Variants in CSNK1G3 observed in about 807,000 individuals in gnomAD.
The protein encoded by CSNK1G3 is casein kinase 1 gamma 3, also known as casein kinase I isoform gamma-3.
Under a neutral mutation model 64.3 loss-of-function variants are expected in CSNK1G3, and 23 were observed. That is an observed-to-expected ratio of 0.36 (90% confidence interval 0.26 to 0.51). CSNK1G3 has a LOEUF of 0.51. CSNK1G3 is among the 20% of genes least tolerant of loss of function. CSNK1G3 has a pLI of 0.96. For missense variants in CSNK1G3, 357 were observed against 510.5 expected, an observed-to-expected ratio of 0.70 and a Z score of 2.90; for synonymous variants, 158 against 162.2, an observed-to-expected ratio of 0.97 and a Z score of 0.20.
At chr5:123,521,945 A>G (rs185015621) in intron 1 of CSNK1G3, among the ~76,000 whole-genome samples, 2 of 152,244 alleles carry the variant, frequency 1.3e-5, no homozygotes, top group Non-Finnish European at 2.9e-5. Context: ...GGGCTAGGGC[A>G]TTGATATATT....
At chr5:123,603,122 G>T (rs926542110) in intron 10 of CSNK1G3, among the ~76,000 whole-genome samples, 1 of 152,124 alleles carries the variant, frequency 6.6e-6, no homozygotes. Flanking sequence ...ACCGAGCAAA[G>T]TGTCCTGAAT....
intron 4 of CSNK1G3, among the ~76,000 whole-genome samples, chr5:123,558,528 G>T (rs978205450): frequency 4.6e-5 from 7 of 152,086 alleles, no homozygotes; most frequent in African/African-American, 1.7e-4. Flanking sequence ...TTGTAAGCAT[G>T]TTTACATTCT....
chr5:123,582,191 A>T (rs1477650437), intron 6 of CSNK1G3, among the ~76,000 whole-genome samples: 1 of 152,138 alleles, frequency 6.6e-6, no homozygotes, highest in Non-Finnish European at 1.5e-5. Flanking sequence ...ATGAAATCTG[A>T]TTTAAAGAAA....
At chr5:123,518,788 G>A (rs1777606150) in intron 1 of CSNK1G3, among the ~76,000 whole-genome samples, 1 of 152,054 alleles carries the variant, frequency 6.6e-6, no homozygotes, top group African/African-American at 2.4e-5. Context: ...AAAAATTGTG[G>A]GAAGGAAGAA....
chr5:123,553,087 AT>A lies in CSNK1G3; in HGVS notation c.179-11del, dbSNP rs554052252. The stretch of plus-strand genomic sequence containing the variant: ...TAAAATCAATTACTGGCAGAATCTG[AT>A]TTTTTTTTCTTTTTCAAGGGAAAAA... On this transcript the variant is annotated intron_variant, in intron 2 of 12. Transcript: ENST00000345990. 1.3e-4 allele frequency: 168 copies of A among 1,310,126 alleles called. No individual in the cohort carries two copies. Among genetic ancestry groups the A allele is most frequent in the South Asian group, 3.1e-4 (20 of 63,940 alleles). 81.2% of individuals were successfully genotyped at this position (1,310,126 alleles called of 1,614,324 possible).
At chr5:123,595,673 T>C (rs992515331) in intron 10 of CSNK1G3, among the ~76,000 whole-genome samples, 2 of 152,080 alleles carry the variant, frequency 1.3e-5, no homozygotes, top group Non-Finnish European at 2.9e-5. Flanking sequence ...ATAAGAAGTG[T>C]TTATTAAATA....
chr5:123,595,248 C>A, intron 10 of CSNK1G3, 114 bp downstream of exon 11: 2 of 926,344 alleles, frequency 2.2e-6, no homozygotes, highest in South Asian at 1.7e-5. Context: ...TGCTGAACTA[C>A]TCTATCCATA....
chr5:123,527,910 T>C (rs1419214083), intron 1 of CSNK1G3, among the ~76,000 whole-genome samples: 1 of 152,180 alleles, frequency 6.6e-6, no homozygotes, highest in African/African-American at 2.4e-5. Context: ...TTCAAATCTT[T>C]TCTTGTTAGT....
At chr5:123,580,282 G>T (rs1181332077) in intron 6 of CSNK1G3, among the ~76,000 whole-genome samples, 2 of 151,750 alleles carry the variant, frequency 1.3e-5, no homozygotes, top group African/African-American at 4.8e-5. Context: ...TAGAGAGTTT[G>T]GTCAAAGGAA....
chr5:123,529,747 C>T (rs962019070), intron 1 of CSNK1G3, among the ~76,000 whole-genome samples: 2 of 152,088 alleles, frequency 1.3e-5, no homozygotes, highest in African/African-American at 2.4e-5. Flanking sequence ...AGCATGACCT[C>T]GTCTTGAGTT....
At chr5:123,528,555 T>C (rs1263608619) in intron 1 of CSNK1G3, among the ~76,000 whole-genome samples, 1 of 152,186 alleles carries the variant, frequency 6.6e-6, no homozygotes, top group Non-Finnish European at 1.5e-5. Flanking sequence ...TTGTCCCATA[T>C]CTTTCCTCTA....
At chr5:123,517,289 AC>A (rs1415456258) in intron 1 of CSNK1G3, among the ~76,000 whole-genome samples, 1 of 152,138 alleles carries the variant, frequency 6.6e-6, no homozygotes, top group Non-Finnish European at 1.5e-5. Context: ...TTTATCTTGA[AC>A]TTTTATTCCC....
At chr5:123,556,789 T>C (rs1338749114) in intron 3 of CSNK1G3, among the ~76,000 whole-genome samples, 10 of 148,968 alleles carry the variant, frequency 6.7e-5, no homozygotes, top group Non-Finnish European at 1.0e-4. Context: ...TGTGTGTGTG[T>C]GTGGTGTGTG....
intron 2 of CSNK1G3, among the ~76,000 whole-genome samples, chr5:123,547,482 G>A (rs1163613242): frequency 6.6e-6 from 1 of 152,050 alleles, no homozygotes; most frequent in Non-Finnish European, 1.5e-5. Flanking sequence ...CACAAAGCTA[G>A]TTGACCATTT....
intron 2 of CSNK1G3, among the ~76,000 whole-genome samples, chr5:123,551,287 T>C (rs996409315): frequency 6.6e-6 from 1 of 152,228 alleles, no homozygotes; most frequent in Non-Finnish European, 1.5e-5. Context: ...GAAACCTAAC[T>C]TTTCATTCAT....
intron 5 of CSNK1G3, among the ~76,000 whole-genome samples, chr5:123,574,393 C>T (rs1370904577): frequency 3.3e-5 from 5 of 152,068 alleles, no homozygotes; most frequent in Admixed American, 3.3e-4. Flanking sequence ...TTCATAGGTA[C>T]TTAAAGCTTT....
Position 123,525,096 on chromosome 5 carries a change from CTGT to C in CSNK1G3, c.-248+12532_-248+12534del, listed in dbSNP as rs753658187. On this transcript the variant is annotated intron_variant, in intron 1 of 12. Transcript: ENST00000345990. ...TCTATTGTAGTTCGTATCATATTTTCTGTTGTTGCTCATTTAAACTATGTGATG... is the reference window on the plus strand; with the variant it reads ...TCTATTGTAGTTCGTATCATATTTTCTGTTGCTCATTTAAACTATGTGATG... Among the ~76,000 whole-genome samples, 75 of 152,298 alleles carry C rather than the reference CTGT, an allele frequency of 4.9e-4. No homozygotes were observed. The Middle Eastern group carries it at 0.01, about 21-fold the overall frequency.
intron 5 of CSNK1G3, among the ~76,000 whole-genome samples, chr5:123,574,670 A>T (rs1788803150): frequency 6.8e-6 from 1 of 147,246 alleles, no homozygotes; most frequent in South Asian, 2.1e-4. Flanking sequence ...AAATAAAAAT[A>T]AAAAAAAAAA....
intron 4 of CSNK1G3, among the ~76,000 whole-genome samples, chr5:123,558,351 T>A (rs973903878): frequency 1.3e-5 from 2 of 152,224 alleles, no homozygotes; most frequent in African/African-American, 2.4e-5. Flanking sequence ...AAAAAATTTC[T>A]ATTGTTTGTT....
Sources: gnomAD v4.1 joint callset for allele counts (sites outside exome capture counted in the v4.1 genomes callset) on GRCh38, gnomAD v4.1.1 for gene constraint, MANE v1.5 for transcripts, NCBI Gene and HGNC (gene_info 2026-07-23, HGNC 2026-07-21) for gene names.